Variants in ERAP2 observed in about 807,000 individuals in gnomAD.
ERAP2 encodes the protein endoplasmic reticulum aminopeptidase 2.
Under a neutral mutation model 111.1 loss-of-function variants are expected in ERAP2, and 118 were observed. The observed-to-expected ratio is 1.06, with a 90% CI of 0.92 to 1.24. The LOEUF (loss-of-function observed/expected upper bound fraction) is 1.24, where lower values mean the gene tolerates loss of function less well. Ranked by LOEUF, ERAP2 falls within the 50% of genes most tolerant of loss-of-function variation. ERAP2 has a pLI of 0.00. For synonymous variants in ERAP2, 410 were observed against 401.2 expected (o/e 1.02, Z -0.26); for missense variants, 1,131 against 1,125.8 (o/e 1.00, Z -0.07).
chr5:96,903,630 T>C, intron 13 of ERAP2, 70 bp downstream of exon 13: 16 of 1,384,026 alleles, frequency 1.2e-5, no homozygotes, highest in Non-Finnish European at 1.4e-5. Flanking sequence ...GACTTCAATA[T>C]TGAATGTTCA....
At chr5:96,910,056 G>A (rs1786544710) in intron 15 of ERAP2, 1 of 245,384 alleles carries the variant, frequency 4.1e-6, no homozygotes, top group African/African-American at 2.2e-5. Context: ...ACTGAGGTCA[G>A]GAGTTCAAGA....
chr5:96,904,594 G>A (rs1785835652), intron 13 of ERAP2, among the ~76,000 whole-genome samples: 1 of 152,210 alleles, frequency 6.6e-6, no homozygotes, highest in Non-Finnish European at 1.5e-5. Flanking sequence ...CTACATATGA[G>A]TGAATGCATG....
chr5:96,894,803 G>A (rs1291209937), intron 6 of ERAP2, among the ~76,000 whole-genome samples: 2 of 151,940 alleles, frequency 1.3e-5, no homozygotes, highest in African/African-American at 4.8e-5. Flanking sequence ...CTAAGTACCT[G>A]CTACTTAATA....
At chr5:96,902,484 CAT>C (rs757480286) in intron 12 of ERAP2, 131 bp downstream of exon 12, 13 of 589,740 alleles carry the variant, frequency 2.2e-5, no homozygotes, top group East Asian at 8.7e-5. Flanking sequence ...GTCATTTATC[CAT>C]ATGTTACTAA....
intron 5 of ERAP2, among the ~76,000 whole-genome samples, chr5:96,891,950 CA>C (rs1349683594): frequency 2.6e-5 from 4 of 152,146 alleles, no homozygotes; most frequent in Non-Finnish European, 5.9e-5. Context: ...TTAAAGTTTT[CA>C]GCAGTACTAA....
chr5:96,878,354 G>A (rs1270930180), intron 1 of ERAP2, among the ~76,000 whole-genome samples: 1 of 152,052 alleles, frequency 6.6e-6, no homozygotes, highest in African/African-American at 2.4e-5. Flanking sequence ...CATAAAATGA[G>A]GCCATTCAGA....
intron 7 of ERAP2, among the ~76,000 whole-genome samples, chr5:96,896,019 C>T (rs1011895478): frequency 1.3e-5 from 2 of 152,154 alleles, no homozygotes; most frequent in Non-Finnish European, 2.9e-5. Flanking sequence ...ATGCATATAC[C>T]ATATCTCCCT....
intron 13 of ERAP2, among the ~76,000 whole-genome samples, chr5:96,906,915 C>G (rs1474011840): frequency 6.6e-6 from 1 of 152,166 alleles, no homozygotes; most frequent in Non-Finnish European, 1.5e-5. Flanking sequence ...GCCTTCCCAG[C>G]TACTTGGGAG....
At chr5:96,914,109 A>C (rs558662908) in intron 17 of ERAP2, among the ~76,000 whole-genome samples, 1 of 149,448 alleles carries the variant, frequency 6.7e-6, no homozygotes, top group East Asian at 2.0e-4. Flanking sequence ...AATGGAATGT[A>C]TAAGACAGCA....
intron 17 of ERAP2, among the ~76,000 whole-genome samples, chr5:96,915,013 T>A (rs139788761): frequency 0.04 from 6,141 of 152,208 alleles, 209 homozygotes; most frequent in Middle Eastern, 0.12. Context: ...TTTTAATTAA[T>A]TTATTTTTTT....
chr5:96,898,634 G>A (rs904248144), intron 9 of ERAP2, among the ~76,000 whole-genome samples: 8 of 151,002 alleles, frequency 5.3e-5, no homozygotes, highest in African/African-American at 2.0e-4. Context: ...CAGCTACTCG[G>A]GAGGTTGAGG....
chr5:96,902,310 T>A lies in ERAP2; in HGVS notation c.1785T>A (p.Ser595Arg). The change falls in exon 12 of 19, where the codon AGT becomes AGA. Residue 595 changes from serine (S) to arginine (R), a missense_variant. Physicochemically the swap from Ser to Arg is moderately radical, Grantham distance 110. This residue lies in a region of ERAP2 where 847 missense variants were observed against 856.5 expected (regional missense o/e 0.99). Coordinates refer to ENST00000437043, the MANE Select transcript of ERAP2 (RefSeq NM_022350.5). ...LWHIPLTYST[S>R]SSNVIHRHIL... ...ATATCCCATTGACCTACTCCACGAG[T>A]TCTTCTAATGTGATCCACAGACACA... is the stretch of plus-strand genomic sequence containing the variant. 1 of 1,612,600 alleles carries A rather than the reference T, an allele frequency of 6.2e-7. No homozygotes were observed. Among genetic ancestry groups the A allele is most frequent in the Non-Finnish European group, 8.5e-7 (1 of 1,178,756 alleles).
intron 3 of ERAP2, among the ~76,000 whole-genome samples, chr5:96,886,180 C>T (rs138998018): frequency 1.6e-4 from 24 of 152,292 alleles, no homozygotes; most frequent in African/African-American, 5.5e-4. Flanking sequence ...CAACCTCACA[C>T]CCACATAACA....
rs116119427 is a variant in ERAP2, at chr5:96,879,187, C to A, written c.-122-377C>A. On this transcript the variant is annotated intron_variant, in intron 1 of 18. Coordinates refer to ENST00000437043, the MANE Select transcript of ERAP2 (RefSeq NM_022350.5). The stretch of plus-strand genomic sequence containing the variant: ...TGAGCTGTGATCATGATTGCACACT[C>A]TACTCCTGCCTGGGCAACAGAGCAA... Among the ~76,000 whole-genome samples, 580 of 152,280 alleles carry A rather than the reference C, an allele frequency of 3.8e-3. 2 individuals carry two copies. Among genetic ancestry groups the A allele is most frequent in the Non-Finnish European group, 6.2e-3 (422 of 68,012 alleles).
At chr5:96,882,882 G>A (rs1027666984) in intron 2 of ERAP2, among the ~76,000 whole-genome samples, 1 of 152,016 alleles carries the variant, frequency 6.6e-6, no homozygotes, top group African/African-American at 2.4e-5. Context: ...TCTTATTTGA[G>A]CTATTCTATT....
intron 16 of ERAP2, 87 bp from the exon 17 acceptor site, chr5:96,913,230 C>A: frequency 9.5e-7 from 1 of 1,050,854 alleles, no homozygotes; most frequent in Non-Finnish European, 1.4e-6. Context: ...TCTTTCTGTT[C>A]TATTCTTTTA....
chr5:96,886,770 T>C lies in ERAP2; in HGVS notation c.830T>C (p.Phe277Ser). ...IVCDFHSLSG[F>S]TSSGVKVSIY... ...TGTGATTTCCACTCTCTGAGTGGCT[T>C]CACTTCATCAGGGGTCAAGGTGAGA... Residue 277 changes from phenylalanine to serine, a missense_variant, in exon 4 of 19, where the codon TTC becomes TCC. Phe to Ser is a radical substitution (Grantham distance 155). This residue lies in a region of ERAP2 where 847 missense variants were observed against 856.5 expected (regional missense o/e 0.99). Transcript: ENST00000437043. 1 of 1,515,138 alleles carries C rather than the reference T, an allele frequency of 6.6e-7. No homozygotes were observed. Among genetic ancestry groups the C allele is most frequent in the Non-Finnish European group, 9.0e-7 (1 of 1,113,104 alleles). The allele number at this position is 1,515,138 out of a possible 1,614,324, so 93.9% of individuals were successfully genotyped here.
intron 18 of ERAP2, among the ~76,000 whole-genome samples, chr5:96,916,056 A>G (rs913247772): frequency 6.6e-6 from 1 of 151,968 alleles, no homozygotes; most frequent in African/African-American, 2.4e-5. Context: ...CCCTGTCTCT[A>G]ATAAAAATAC....
At chr5:96,897,371 T>C (rs995342988) in intron 9 of ERAP2, among the ~76,000 whole-genome samples, 1 of 152,232 alleles carries the variant, frequency 6.6e-6, no homozygotes, top group Non-Finnish European at 1.5e-5. Context: ...ACTTTTAAGA[T>C]CCAGCTGAGA....
Sources: gnomAD v4.1 joint callset for allele counts (sites outside exome capture counted in the v4.1 genomes callset) on GRCh38, gnomAD v4.1.1 for gene constraint, gnomAD v4.1.1 regional missense constraint, MANE v1.5 for transcripts, NCBI Gene and HGNC (gene_info 2026-07-23, HGNC 2026-07-21) for gene names.